The following EPN2 variants were observed in gnomAD, a reference collection of about 807,000 sequenced individuals.
EPN2 encodes epsin-2.
In EPN2, 34 loss-of-function variants were observed where a neutral mutation model predicts 61.7. That is an observed-to-expected ratio of 0.55 (90% confidence interval 0.42 to 0.73). The LOEUF (loss-of-function observed/expected upper bound fraction) is 0.73. Among genes scored for constraint, EPN2 ranks in the 30% least tolerant of loss-of-function variants. EPN2 has a pLI of 0.00. For missense variants in EPN2, 714 were observed against 839.2 expected (o/e 0.85, Z 1.84); for synonymous variants, 349 against 353.6 (o/e 0.99, Z 0.15).
chr17:19,268,426 T>C (rs2045221778), intron 1 of EPN2, among the ~76,000 whole-genome samples: 1 of 152,134 alleles, frequency 6.6e-6, no homozygotes, highest in Non-Finnish European at 1.5e-5. Context: ...GGCATGATCA[T>C]GGCTCACTGC....
At chr17:19,255,694 C>T (rs2045069886) in intron 1 of EPN2, among the ~76,000 whole-genome samples, 1 of 151,246 alleles carries the variant, frequency 6.6e-6, no homozygotes. Context: ...TCACTCATAG[C>T]TCACTGTAGC....
chr17:19,325,119 C>T (rs752926004), intron 7 of EPN2, among the ~76,000 whole-genome samples: 1 of 152,140 alleles, frequency 6.6e-6, no homozygotes, highest in East Asian at 1.9e-4. Context: ...ATTTAAAAAT[C>T]CTCCCCTTCT....
At chr17:19,290,313 C>T (rs2045450436) in intron 4 of EPN2, among the ~76,000 whole-genome samples, 1 of 152,214 alleles carries the variant, frequency 6.6e-6, no homozygotes, top group African/African-American at 2.4e-5. Context: ...GCTCTTTCCA[C>T]CATTTCCTGT....
intron 4 of EPN2, among the ~76,000 whole-genome samples, chr17:19,295,817 C>G (rs1232172813): frequency 6.6e-6 from 1 of 152,168 alleles, no homozygotes; most frequent in Non-Finnish European, 1.5e-5. Flanking sequence ...GGGAGGGCCC[C>G]AGGTGCCGCG....
intron 7 of EPN2, among the ~76,000 whole-genome samples, chr17:19,319,086 T>C (rs1427543024): frequency 1.3e-5 from 2 of 151,388 alleles, no homozygotes; most frequent in African/African-American, 2.4e-5. Flanking sequence ...TAATCCCAGC[T>C]ACTTGGGAAC....
Position 19,333,944 on chromosome 17 carries a change from C to T in EPN2, c.1628-12C>T. 1.3e-6 allele frequency: 2 copies of T among 1,519,230 alleles called. No individual in the cohort carries two copies. The highest frequency in any genetic ancestry group is 1.8e-6 in the Non-Finnish European group (2 of 1,129,714). 94.1% of individuals were successfully genotyped at this position (1,519,230 alleles called of 1,614,324 possible). On this transcript the variant is annotated splice_polypyrimidine_tract_variant and intron_variant, in intron 10 of 10. Transcript: ENST00000314728. Reference sequence around the variant, plus strand: ...GACGGCTCAGCCTCTGCCCCTCCTTCTGTCTCCCCAGGTGCTCCCGCCACC... The same window carrying T: ...GACGGCTCAGCCTCTGCCCCTCCTTTTGTCTCCCCAGGTGCTCCCGCCACC...
At chr17:19,239,476 T>C (rs2044858736) in intron 1 of EPN2, among the ~76,000 whole-genome samples, 1 of 152,372 alleles carries the variant, frequency 6.6e-6, no homozygotes, top group Non-Finnish European at 1.5e-5. Flanking sequence ...ATCTGTATTT[T>C]TACTTTTACA....
chr17:19,261,995 C>G (rs770927395), intron 1 of EPN2, among the ~76,000 whole-genome samples: 4 of 152,194 alleles, frequency 2.6e-5, no homozygotes, highest in Non-Finnish European at 5.9e-5. Flanking sequence ...CGAGACCAGC[C>G]TGGCCAACGT....
intron 1 of EPN2, among the ~76,000 whole-genome samples, chr17:19,272,692 C>T (rs2045267158): frequency 1.3e-5 from 2 of 152,164 alleles, no homozygotes; most frequent in Admixed American, 6.5e-5. Flanking sequence ...GAATGCTGTT[C>T]ATAATTTGGT....
intron 1 of EPN2, among the ~76,000 whole-genome samples, chr17:19,258,735 C>T (rs889125382): frequency 5.9e-5 from 9 of 152,102 alleles, no homozygotes; most frequent in African/African-American, 9.7e-5. Flanking sequence ...GTGTGGACAG[C>T]GCGGTTTGTG....
intron 1 of EPN2, among the ~76,000 whole-genome samples, chr17:19,270,564 G>A (rs1014453428): frequency 1.3e-5 from 2 of 152,164 alleles, no homozygotes; most frequent in African/African-American, 4.8e-5. Context: ...GAGGAGGCAG[G>A]TATTTGGACA....
At chr17:19,276,171 A>C (rs1297184277) in intron 1 of EPN2, among the ~76,000 whole-genome samples, 2 of 151,976 alleles carry the variant, frequency 1.3e-5, no homozygotes, top group Non-Finnish European at 2.9e-5. Flanking sequence ...CCTGCAAATA[A>C]AGTGGCCATT....
chr17:19,301,603 G>A (rs1454959593), intron 4 of EPN2, among the ~76,000 whole-genome samples: 1 of 152,210 alleles, frequency 6.6e-6, no homozygotes, highest in African/African-American at 2.4e-5. Context: ...AAGCACCTCT[G>A]ACGGCTTCTG....
chr17:19,242,801 G>C (rs1436216757), intron 1 of EPN2, among the ~76,000 whole-genome samples: 1 of 152,234 alleles, frequency 6.6e-6, no homozygotes, highest in African/African-American at 2.4e-5. Flanking sequence ...ACGGCTGATT[G>C]TTTAGGGCTA....
chr17:19,331,958 G>A lies in EPN2; in HGVS notation c.1517G>A (p.Arg506Gln), dbSNP rs745370559. ...GCCTCAAGCAAGCCCAGCAGTGCCC[G>A]GAAAACACCTGAGTCCTTCCTGGGC... ...TVASSKPSSA[R>Q]KTPESFLGPN... Residue 506 changes from arginine to glutamine, a missense_variant, in exon 10 of 11, where the codon CGG becomes CAG. By Grantham distance (43) the Arg-to-Gln change is conservative. Transcript: ENST00000314728. The A allele has an allele frequency of 3.2e-5, 51 of 1,613,982 alleles. No homozygotes were observed. The Middle Eastern group carries it at 4.9e-4, about 16-fold the overall frequency.
intron 1 of EPN2, among the ~76,000 whole-genome samples, chr17:19,253,482 A>G (rs1051357812): frequency 1.3e-4 from 18 of 139,612 alleles, no homozygotes; most frequent in Admixed American, 7.1e-4. Context: ...TGGTGTGACC[A>G]TGGCTCACTG....
At chr17:19,266,747 G>A (rs977346737) in intron 1 of EPN2, among the ~76,000 whole-genome samples, 9 of 151,792 alleles carry the variant, frequency 5.9e-5, no homozygotes, top group Admixed American at 2.6e-4. Context: ...TTCATGGCAT[G>A]ATAGCCAAAA....
intron 1 of EPN2, among the ~76,000 whole-genome samples, chr17:19,266,343 A>G (rs2045196844): frequency 6.6e-6 from 1 of 152,134 alleles, no homozygotes; most frequent in Admixed American, 6.5e-5. Flanking sequence ...TACCCAGGAG[A>G]ACTGAAAACT....
intron 7 of EPN2, among the ~76,000 whole-genome samples, chr17:19,325,719 A>G (rs566096668): frequency 3.9e-4 from 59 of 152,352 alleles, no homozygotes; most frequent in African/African-American, 1.4e-3. Flanking sequence ...GTAACTGGTG[A>G]TCCTAGCCAA....
Sources: allele counts gnomAD v4.1 joint callset (sites outside exome capture counted in the v4.1 genomes callset), GRCh38; gene constraint gnomAD v4.1.1; transcripts MANE v1.5; gene names NCBI Gene and HGNC (gene_info 2026-07-23, HGNC 2026-07-21).